Variants in FOXN3 observed in about 807,000 individuals in gnomAD.
FOXN3 encodes the protein forkhead box N3, also known as forkhead box protein N3.
FOXN3 carries 7 observed loss-of-function variants against 38.4 expected under a neutral mutation model. That is an observed-to-expected ratio of 0.18 (90% CI 0.10 to 0.34). The LOEUF (loss-of-function observed/expected upper bound fraction) is 0.34, where lower values mean the gene tolerates loss of function less well. Ranked by LOEUF, FOXN3 falls within the 10% of genes least tolerant of loss-of-function variation. FOXN3 has a pLI of 1.00. For synonymous variants in FOXN3, 230 were observed against 242.2 expected, an observed-to-expected ratio of 0.95 and a Z score of 0.47; for missense variants, 456 against 613.4, an observed-to-expected ratio of 0.74 and a Z score of 2.71.
chr14:89,588,667 T>G (rs891773169), intron 1 of FOXN3, among the ~76,000 whole-genome samples: 13 of 152,180 alleles, frequency 8.5e-5, no homozygotes, highest in African/African-American at 3.1e-4. Context: ...AGTATATTTG[T>G]GGTTAAACTC....
intron 1 of FOXN3, among the ~76,000 whole-genome samples, chr14:89,533,906 G>A (rs997262475): frequency 5.3e-5 from 8 of 151,738 alleles, no homozygotes; most frequent in Admixed American, 1.3e-4. Flanking sequence ...TTCTTTCTTT[G>A]GTTGCTTTTT....
intron 4 of FOXN3, among the ~76,000 whole-genome samples, chr14:89,250,927 G>A (rs1307143315): frequency 6.6e-6 from 1 of 152,132 alleles, no homozygotes; most frequent in Non-Finnish European, 1.5e-5. Context: ...CTTCTGCCAT[G>A]ACTGTGAGGC....
At chr14:89,241,384 G>A (rs1885135370) in intron 4 of FOXN3, among the ~76,000 whole-genome samples, 2 of 152,128 alleles carry the variant, frequency 1.3e-5, no homozygotes, top group Non-Finnish European at 1.5e-5. Context: ...TGCTCATGAG[G>A]TGGCCACCGT....
chr14:89,246,615 C>T lies in FOXN3; in HGVS notation c.745+34335G>A, dbSNP rs140590193. On this transcript the variant is annotated intron_variant, in intron 4 of 5. Coordinates refer to ENST00000557258, the MANE Select transcript of FOXN3 (RefSeq NM_005197.4). ...AGTTCAGGGGCGTGGTCTCGGCTCA[C>T]TGCAACCTCTGCCTCCTGGGTTCAA... Among the ~76,000 whole-genome samples the T allele has an allele frequency of 7.0e-3, 994 of 142,568 alleles. 28 individuals carry two copies. Among genetic ancestry groups the T allele is most frequent in the Admixed American group, 0.066 (900 of 13,652 alleles). The allele number at this position is 142,568 out of a possible 152,430, so 93.5% of individuals were successfully genotyped here. A position where few individuals can be genotyped will look rare whatever the true frequency, so the allele number is the denominator to read the frequency against.
chr14:89,262,980 T>C (rs527713368), intron 4 of FOXN3, among the ~76,000 whole-genome samples: 4 of 152,192 alleles, frequency 2.6e-5, no homozygotes, highest in Admixed American at 6.5e-5. Flanking sequence ...ACTAAAAAGA[T>C]CTTGGCTATC....
upstream of FOXN3, chr14:89,419,331 A>G (rs559192885): frequency 8.9e-5 from 35 of 393,302 alleles, no homozygotes; most frequent in East Asian, 2.0e-3. Flanking sequence ...TTCTAATTCC[A>G]TAGAACCTCA....
rs144765651 is a variant in FOXN3 at position 89,164,232 on chromosome 14, A to C, written c.852-1263T>G. 1.3e-5 allele frequency among the ~76,000 whole-genome samples: 2 copies of C among 152,324 alleles called. No homozygotes were observed. The highest frequency in any genetic ancestry group is 2.9e-5 in the Non-Finnish European group (2 of 68,034). On this transcript the variant is annotated intron_variant, in intron 5 of 5. Transcript: ENST00000557258. This position sits in a 1 kb window ranked among gnomAD's most constrained non-coding sequence, Gnocchi z 4.3. ...AGCCTTCAGAAGGATGAATACTTGC[A>C]GGAGAGGAGGGTCACTTGTAGCTGA... is the stretch of plus-strand genomic sequence containing the variant.
intron 3 of FOXN3, among the ~76,000 whole-genome samples, chr14:89,323,443 G>A (rs918245119): frequency 1.3e-5 from 2 of 151,952 alleles, no homozygotes; most frequent in African/African-American, 4.8e-5. Context: ...GGACCCGGCT[G>A]GGCACAGTGG....
chr14:89,358,065 C>A (rs1889307189), intron 2 of FOXN3, among the ~76,000 whole-genome samples: 1 of 152,140 alleles, frequency 6.6e-6, no homozygotes, highest in South Asian at 2.1e-4. Flanking sequence ...GTTACCAGGT[C>A]CTCTAATGCA....
At chr14:89,510,090 C>T (rs979493710) in intron 1 of FOXN3, among the ~76,000 whole-genome samples, 1 of 152,154 alleles carries the variant, frequency 6.6e-6, no homozygotes, top group South Asian at 2.1e-4. Context: ...AGACCTCCTC[C>T]TGGGAGAGGC....
rs1311404735 is a variant in FOXN3, at chr14:89,360,742, C to CTA, written c.544-9935_544-9934insTA. On this transcript the variant is annotated intron_variant, in intron 2 of 5. Coordinates refer to ENST00000557258, the MANE Select transcript of FOXN3 (RefSeq NM_005197.4). ...ACCTCCACCACCACCACCTCCAGCA[C>CTA]CACCTCCACCACCACCTCCACCACT... is the stretch of plus-strand genomic sequence containing the variant. 1.1e-4 allele frequency among the ~76,000 whole-genome samples: 14 copies of CTA among 125,620 alleles called. 1 individual carries two copies. Among genetic ancestry groups the CTA allele is most frequent in the East Asian group, 2.5e-4 (1 of 3,982 alleles). The allele number at this position is 125,620 out of a possible 152,430, so 82.4% of individuals were successfully genotyped here. A position where few individuals can be genotyped will look rare whatever the true frequency, so the allele number is the denominator to read the frequency against.
intron 1 of FOXN3, among the ~76,000 whole-genome samples, chr14:89,452,622 T>C (rs1396407222): frequency 6.6e-6 from 1 of 152,070 alleles, no homozygotes; most frequent in African/African-American, 2.4e-5. Context: ...CCCTGGCCCA[T>C]AGTAAGATGG....
intron 2 of FOXN3, among the ~76,000 whole-genome samples, chr14:89,376,946 G>A (rs1459078999): frequency 2.2e-5 from 3 of 138,974 alleles, no homozygotes; most frequent in African/African-American, 5.3e-5. Flanking sequence ...TCTTGAACCC[G>A]GGAGGCAGAG....
intron 1 of FOXN3, among the ~76,000 whole-genome samples, chr14:89,454,079 G>A (rs756298923): frequency 1.2e-3 from 184 of 152,318 alleles, no homozygotes; most frequent in Non-Finnish European, 2.2e-3. Context: ...CGAGGCAAGA[G>A]GATCACCTGA....
chr14:89,428,752 C>T (rs1892096529), intron 1 of FOXN3, among the ~76,000 whole-genome samples: 1 of 152,242 alleles, frequency 6.6e-6, no homozygotes, highest in Non-Finnish European at 1.5e-5. Context: ...GAGACCTCAG[C>T]GCAGGGGTCC....
At chr14:89,544,258 G>T (rs1894844169) in intron 1 of FOXN3, among the ~76,000 whole-genome samples, 1 of 151,370 alleles carries the variant, frequency 6.6e-6, no homozygotes, top group African/African-American at 2.4e-5. Context: ...AGCCAGGATG[G>T]TCTCGATCTC....
At chr14:89,490,340 T>C (rs1433512655) in intron 1 of FOXN3, among the ~76,000 whole-genome samples, 1 of 152,210 alleles carries the variant, frequency 6.6e-6, no homozygotes, top group Non-Finnish European at 1.5e-5. Flanking sequence ...CGGATTGTTG[T>C]TGGATGACGG....
intron 5 of FOXN3, among the ~76,000 whole-genome samples, chr14:89,177,417 G>A (rs185843217): frequency 6.6e-6 from 1 of 152,278 alleles, no homozygotes; most frequent in Admixed American, 6.5e-5. Flanking sequence ...ATGATGCTCA[G>A]GAAAGTCACT....
intron 1 of FOXN3, among the ~76,000 whole-genome samples, chr14:89,559,402 G>T (rs757533860): frequency 2.0e-5 from 3 of 152,088 alleles, no homozygotes; most frequent in Non-Finnish European, 4.4e-5. Flanking sequence ...ATAAGGCCGG[G>T]CGTGGTGGCT....
Sources: allele counts gnomAD v4.1 joint callset (sites outside exome capture counted in the v4.1 genomes callset), GRCh38; gene constraint gnomAD v4.1.1; non-coding constraint Gnocchi (gnomAD v3.1); transcripts MANE v1.5; gene names NCBI Gene and HGNC (gene_info 2026-07-23, HGNC 2026-07-21).